The following ATAD2B variants were observed in gnomAD, a reference collection of about 807,000 sequenced individuals.
The protein encoded by ATAD2B is ATPase family AAA domain-containing protein 2B.
In ATAD2B, 40 loss-of-function variants were observed where a neutral mutation model predicts 167.6. That is an observed-to-expected ratio of 0.24 (90% CI 0.19 to 0.31). The LOEUF (loss-of-function observed/expected upper bound fraction) is 0.31, where lower values mean the gene tolerates loss of function less well. ATAD2B is among the 10% of genes least tolerant of loss of function. The pLI is 1.00. For synonymous variants in ATAD2B, 579 were observed against 596.5 expected (o/e 0.97, Z 0.43); for missense variants, 1,242 against 1,757.2 (o/e 0.71, Z 5.24).
the ATAD2B span, among the ~76,000 whole-genome samples, chr2:23,742,705 A>C: frequency 3.3e-5 from 5 of 152,174 alleles, no homozygotes; most frequent in African/African-American, 1.2e-4. Flanking sequence ...GAAGTATAAT[A>C]ATAAAATACA....
At chr2:23,688,023 C>T in the ATAD2B span, among the ~76,000 whole-genome samples, 1 of 152,168 alleles carries the variant, frequency 6.6e-6, no homozygotes, top group African/African-American at 2.4e-5. Context: ...AAGTCCTGCC[C>T]AGAGCCCCAC....
At chr2:23,821,300 A>G (rs1687405432) in intron 16 of ATAD2B, among the ~76,000 whole-genome samples, 1 of 152,208 alleles carries the variant, frequency 6.6e-6, no homozygotes, top group Non-Finnish European at 1.5e-5. Context: ...TCTCCAAAGG[A>G]AAGATGAGGT....
At chr2:23,913,637 T>C (rs1272955692) in intron 1 of ATAD2B, among the ~76,000 whole-genome samples, 3 of 138,242 alleles carry the variant, frequency 2.2e-5, no homozygotes, top group Non-Finnish European at 4.7e-5. Flanking sequence ...GAGACTCTCT[T>C]GAGAAAAAAA....
chr2:23,769,744 C>G (rs1316235739), intron 22 of ATAD2B, among the ~76,000 whole-genome samples: 2 of 122,078 alleles, frequency 1.6e-5, no homozygotes, highest in East Asian at 2.6e-4. Flanking sequence ...GAGACAGGGT[C>G]TCATTCTGTC....
rs56920993 is a variant in ATAD2B at position 23,862,264 on chromosome 2, T to C, written c.1479+1117A>G. Among the ~76,000 whole-genome samples the C allele has an allele frequency of 3.4e-3, 518 of 152,170 alleles. 24 individuals are homozygous for C. In the East Asian group the frequency reaches 0.078, roughly 23 times the overall value. ...ACTTTCACACACACCATCTCAGTAA[T>C]GGGTGCTCAAAGCTTGAAGTTATTT... On this transcript the variant is annotated intron_variant, in intron 12 of 27. Transcript: ENST00000238789.
At chr2:23,862,798 C>T (rs1694609339) in intron 12 of ATAD2B, among the ~76,000 whole-genome samples, 1 of 152,038 alleles carries the variant, frequency 6.6e-6, no homozygotes, top group African/African-American at 2.4e-5. Flanking sequence ...TGTTGTAGTT[C>T]CCCAATGGAT....
At chr2:23,737,893 G>A in the ATAD2B span, among the ~76,000 whole-genome samples, 33 of 152,302 alleles carry the variant, frequency 2.2e-4, no homozygotes, top group Middle Eastern at 6.8e-3. Flanking sequence ...CGAGAGCTAC[G>A]TGACGAATGC....
chr2:23,920,150 CAA>C (rs58552045), intron 1 of ATAD2B, among the ~76,000 whole-genome samples: 27,543 of 139,216 alleles, frequency 0.2, 2,568 homozygotes, highest in Middle Eastern at 0.27. Flanking sequence ...GACTCTGCCT[CAA>C]AAAAAAAAAA....
At chr2:23,855,155 C>A (rs1216210126) in intron 13 of ATAD2B, among the ~76,000 whole-genome samples, 1 of 150,050 alleles carries the variant, frequency 6.7e-6, no homozygotes, top group Non-Finnish European at 1.5e-5. Context: ...GATCGCACCA[C>A]TGCACTCCAA....
chr2:23,700,989 G>C, the ATAD2B span, among the ~76,000 whole-genome samples: 77 of 152,188 alleles, frequency 5.1e-4, no homozygotes, highest in African/African-American at 1.6e-3. This position sits in a 1 kb window ranked among gnomAD's most constrained non-coding sequence, Gnocchi z 4.6. Context: ...TTCCAGCTTT[G>C]TGCCAGAGAT....
chr2:23,862,260 G>A (rs1694493034), intron 12 of ATAD2B, among the ~76,000 whole-genome samples: 1 of 151,866 alleles, frequency 6.6e-6, no homozygotes, highest in African/African-American at 2.4e-5. Context: ...CACCATCTCA[G>A]TAATGGGTGC....
At chr2:23,921,205 CAAAAAA>C (rs61004964) in intron 1 of ATAD2B, among the ~76,000 whole-genome samples, 3 of 32,288 alleles carry the variant, frequency 9.3e-5, no homozygotes, top group Admixed American at 5.7e-4. Flanking sequence ...GACTCCATCT[CAAAAAA>C]AAAAAAAAAA....
At chr2:23,881,051 T>C (rs1697808455) in intron 6 of ATAD2B, among the ~76,000 whole-genome samples, 1 of 152,212 alleles carries the variant, frequency 6.6e-6, no homozygotes, top group African/African-American at 2.4e-5. Context: ...TACAATGCAA[T>C]AATAGAAAAC....
intron 13 of ATAD2B, among the ~76,000 whole-genome samples, chr2:23,852,716 C>CA (rs1692761036): frequency 6.6e-6 from 1 of 152,000 alleles, no homozygotes; most frequent in Non-Finnish European, 1.5e-5. Flanking sequence ...GTCAGGCGTT[C>CA]AAGACAAGCC....
intron 8 of ATAD2B, 60 bp from the exon 9 acceptor site, chr2:23,869,821 C>CA (rs1483934732): frequency 9.5e-7 from 1 of 1,056,540 alleles, no homozygotes; most frequent in Non-Finnish European, 1.4e-6. Context: ...TTTTAAAACA[C>CA]ACTGTAATAT....
At chr2:23,885,496 C>T (rs187214394) in intron 5 of ATAD2B, among the ~76,000 whole-genome samples, 1 of 152,134 alleles carries the variant, frequency 6.6e-6, no homozygotes, top group African/African-American at 2.4e-5. Flanking sequence ...CACAGTTGCA[C>T]TTTAAGGTGA....
intron 17 of ATAD2B, among the ~76,000 whole-genome samples, chr2:23,818,388 T>C (rs937768670): frequency 1.2e-4 from 14 of 112,296 alleles, no homozygotes; most frequent in African/African-American, 4.1e-4. Context: ...AAAAAAAAAA[T>C]TGGCTTTCCC....
chr2:23,780,127 A>G (rs1458486125), intron 22 of ATAD2B, among the ~76,000 whole-genome samples: 1 of 151,906 alleles, frequency 6.6e-6, no homozygotes, highest in Non-Finnish European at 1.5e-5. Flanking sequence ...GTGTGCCTGT[A>G]TTACCCAGCT....
At chr2:23,856,904 C>CT (rs1693509166) in intron 13 of ATAD2B, among the ~76,000 whole-genome samples, 1 of 151,330 alleles carries the variant, frequency 6.6e-6, no homozygotes, top group Non-Finnish European at 1.5e-5. Flanking sequence ...GATGAGAAAA[C>CT]TTTTTCTGTA....
Sources: allele counts gnomAD v4.1 joint callset (sites outside exome capture counted in the v4.1 genomes callset), GRCh38; gene constraint gnomAD v4.1.1; non-coding constraint Gnocchi (gnomAD v3.1); transcripts MANE v1.5; gene names NCBI Gene and HGNC (gene_info 2026-07-23, HGNC 2026-07-21).